The following IL31RA variants were observed in gnomAD, a reference collection of about 807,000 sequenced individuals.
IL31RA encodes interleukin 31 receptor A.
A neutral mutation model predicts 83.7 loss-of-function variants in IL31RA; 66 were observed. The ratio of observed to expected loss-of-function variants is 0.79; its 90% CI spans 0.65 to 0.97. The LOEUF (loss-of-function observed/expected upper bound fraction) is 0.97, where lower values mean the gene tolerates loss of function less well. Ranked by LOEUF, IL31RA falls within the 50% of genes least tolerant of loss-of-function variation. IL31RA has a pLI of 0.00. For synonymous variants in IL31RA, 325 were observed against 329.0 expected (o/e 0.99, Z 0.13); for missense variants, 798 against 919.4 (o/e 0.87, Z 1.71).
intron 7 of IL31RA, among the ~76,000 whole-genome samples, chr5:55,898,167 A>G (rs1368057567): frequency 6.6e-6 from 1 of 152,116 alleles, no homozygotes; most frequent in African/African-American, 2.4e-5. Flanking sequence ...TTTTTGGGGG[A>G]GGAAAGCCAA....
chr5:55,915,869 A>G (rs1749754393), intron 14 of IL31RA, among the ~76,000 whole-genome samples: 1 of 152,200 alleles, frequency 6.6e-6, no homozygotes, highest in Admixed American at 6.5e-5. Flanking sequence ...CACTCACTAC[A>G]TGCCAGGTGC....
chr5:55,916,692 A>G lies in IL31RA; in HGVS notation c.1867A>G (p.Arg623Gly). 6.2e-7 allele frequency: 1 copy of G among 1,614,230 alleles called. No homozygotes were observed. Reference sequence around the variant, plus strand: ...TGATGACTCTGTGAACACAGAAGACAGGATCTTAAAACCATGTTCCACCCC... The same window carrying G: ...TGATGACTCTGTGAACACAGAAGACGGGATCTTAAAACCATGTTCCACCCC... ...ESDDSVNTEDRILKPCSTPSD... is the reference protein window; with the variant it reads ...ESDDSVNTEDGILKPCSTPSD... Residue 623 changes from arginine (R) to glycine (G), a missense_variant, in exon 15 of 15, where the codon AGG becomes GGG. Coordinates refer to ENST00000652347, the MANE Select transcript of IL31RA (RefSeq NM_139017.7).
chr5:55,883,108 A>G lies in IL31RA; in HGVS notation c.519A>G (p.Gln173=). 3 of 1,614,074 alleles carry G rather than the reference A, an allele frequency of 1.9e-6. No individual in the cohort carries two copies. Among genetic ancestry groups the G allele is most frequent in the Non-Finnish European group, 2.5e-6 (3 of 1,179,924 alleles). The change falls in exon 5 of 15, where the codon CAA becomes CAG. Residue 173 remains glutamine (Q), a synonymous_variant. Transcript: ENST00000652347. The part of the protein sequence containing the change: ...KPVLGIKRMI[Q]IEWIKPELAP... ...TTTTGGGCATCAAACGAATGATTCA[A>G]ATTGAATGGATAAAGCCTGAGTTGG... is the stretch of plus-strand genomic sequence containing the variant.
At position 55,851,398 on chromosome 5, in the gene IL31RA, A is replaced by T. The variant is rs72761947; in HGVS notation, c.-173A>T. The T allele has an allele frequency of 3.2e-3, 3,580 of 1,112,890 alleles. 12 individuals are homozygous for T. The highest frequency in any genetic ancestry group is 4.0e-3 in the Non-Finnish European group (3,032 of 766,710). 68.9% of individuals were successfully genotyped at this position (1,112,890 alleles called of 1,614,324 possible). A position where few individuals can be genotyped will look rare whatever the true frequency, so the allele number is the denominator to read the frequency against. ...TAGGAACACCAGACAGCACTCCAGC[A>T]CTCTGCTTGGGGGGCATTCGAAACA... On this transcript the variant is annotated 5_prime_UTR_variant, in exon 1 of 15. Coordinates refer to ENST00000652347, the MANE Select transcript of IL31RA (RefSeq NM_139017.7).
intron 12 of IL31RA, among the ~76,000 whole-genome samples, chr5:55,911,430 A>G (rs1355937705): frequency 6.6e-6 from 1 of 152,202 alleles, no homozygotes; most frequent in Non-Finnish European, 1.5e-5. Flanking sequence ...CTTCAAGGGA[A>G]AACCTTGGTT....
the IL31RA span, among the ~76,000 whole-genome samples, chr5:55,843,739 C>T: frequency 6.6e-6 from 1 of 152,168 alleles, no homozygotes; most frequent in South Asian, 2.1e-4. Flanking sequence ...TCCCTGATAA[C>T]TTTTCTTGCT....
chr5:55,846,178 C>A, the IL31RA span, among the ~76,000 whole-genome samples: 11 of 152,192 alleles, frequency 7.2e-5, no homozygotes, highest in Non-Finnish European at 1.5e-4. Context: ...TGTCCTGTGA[C>A]CTCACTTCTC....
chr5:55,846,192 T>C, the IL31RA span, among the ~76,000 whole-genome samples: 4 of 152,206 alleles, frequency 2.6e-5, no homozygotes, highest in African/African-American at 9.7e-5. Context: ...ACTTCTCTGA[T>C]GGATCTAAGA....
intron 1 of IL31RA, among the ~76,000 whole-genome samples, chr5:55,857,105 T>G (rs1427485850): frequency 1.3e-5 from 2 of 151,490 alleles, no homozygotes; most frequent in African/African-American, 4.8e-5. Context: ...GCATTTTTTT[T>G]TTTTCTTTTT....
At chr5:55,901,940 G>C (rs1435006774) in intron 8 of IL31RA, among the ~76,000 whole-genome samples, 2 of 152,108 alleles carry the variant, frequency 1.3e-5, no homozygotes, top group Non-Finnish European at 2.9e-5. Context: ...TAAAATTTCT[G>C]ATTGATCAAA....
chr5:55,916,511 C>A lies in IL31RA; in HGVS notation c.1819-133C>A, dbSNP rs1580751168. On this transcript the variant is annotated intron_variant, in intron 14 of 14. Transcript: ENST00000652347. ...AGGGCATGCAGAGAGGGTTGGCTACCACTTCTGGGCCTGGGAGGAAGGTGG... is the reference window on the plus strand; with the variant it reads ...AGGGCATGCAGAGAGGGTTGGCTACAACTTCTGGGCCTGGGAGGAAGGTGG... 5.2e-6 allele frequency: 4 copies of A among 773,726 alleles called. No homozygotes were observed. The East Asian group carries it at 9.8e-5, about 19-fold the overall frequency. The allele number at this position is 773,726 out of a possible 1,614,324, so 47.9% of individuals were successfully genotyped here. A position where few individuals can be genotyped will look rare whatever the true frequency, so the allele number is the denominator to read the frequency against.
intron 1 of IL31RA, chr5:55,853,672 C>T (rs547099868): frequency 1.5e-5 from 17 of 1,164,358 alleles, no homozygotes; most frequent in Middle Eastern, 2.0e-4. Flanking sequence ...AGACCCACCA[C>T]GTGAATTTCT....
chr5:55,861,195 G>GGGC (rs1411259469), intron 2 of IL31RA, among the ~76,000 whole-genome samples: 1 of 152,192 alleles, frequency 6.6e-6, no homozygotes, highest in Non-Finnish European at 1.5e-5. Flanking sequence ...TCATGACCCA[G>GGGC]AGATAATGAG....
At chr5:55,847,244 AAAATAAATAAAT>A (rs371149253), upstream of IL31RA, among the ~76,000 whole-genome samples, 92 of 61,158 alleles carry the variant, frequency 1.5e-3, no homozygotes, top group African/African-American at 3.4e-3. Flanking sequence ...AAAAAAAATA[AAAATAAATAAAT>A]AAATAAATAA....
At chr5:55,840,714 A>G in the IL31RA span, among the ~76,000 whole-genome samples, 1 of 152,094 alleles carries the variant, frequency 6.6e-6, no homozygotes, top group Non-Finnish European at 1.5e-5. Flanking sequence ...GCTGGTGTAC[A>G]TCTGTCTATT....
At chr5:55,893,852 C>A (rs1748168770) in intron 6 of IL31RA, among the ~76,000 whole-genome samples, 1 of 148,002 alleles carries the variant, frequency 6.8e-6, no homozygotes, top group African/African-American at 2.5e-5. Context: ...CACTCTGTCA[C>A]CCAGACTGAA....
chr5:55,868,774 GTGTT>G lies in IL31RA; in HGVS notation c.155-15_155-12del, dbSNP rs1232865529. On this transcript the variant is annotated splice_polypyrimidine_tract_variant and intron_variant, in intron 2 of 14. Coordinates refer to ENST00000652347, the MANE Select transcript of IL31RA (RefSeq NM_139017.7). ...GAAATTTTTGTGTTTGTGTGTGTGTGTGTTTAATTTATTTAGCTCTGCCAGCTAA... is the reference window on the plus strand; with the variant it reads ...GAAATTTTTGTGTTTGTGTGTGTGTGTAATTTATTTAGCTCTGCCAGCTAA... The G allele has an allele frequency of 3.0e-6, 4 of 1,319,608 alleles. No individual in the cohort carries two copies. The highest frequency in any genetic ancestry group is 3.3e-6 in the Non-Finnish European group (3 of 911,792). 81.7% of individuals were successfully genotyped at this position (1,319,608 alleles called of 1,614,324 possible). A position where few individuals can be genotyped will look rare whatever the true frequency, so the allele number is the denominator to read the frequency against.
chr5:55,869,077 G>A (rs1033778710), intron 3 of IL31RA, among the ~76,000 whole-genome samples, 169 bp downstream of exon 3: 1 of 152,176 alleles, frequency 6.6e-6, no homozygotes, highest in Non-Finnish European at 1.5e-5. Context: ...AGCTGCAGAG[G>A]GAGGGGAGGC....
chr5:55,861,258 C>T (rs1418082023), intron 2 of IL31RA, among the ~76,000 whole-genome samples: 16 of 152,150 alleles, frequency 1.1e-4, no homozygotes, highest in Admixed American at 1.0e-3. Flanking sequence ...CTTGGGGTTA[C>T]ACCTGTGGCA....
Sources: allele counts gnomAD v4.1 joint callset (sites outside exome capture counted in the v4.1 genomes callset), GRCh38; gene constraint gnomAD v4.1.1; transcripts MANE v1.5; gene names NCBI Gene and HGNC (gene_info 2026-07-23, HGNC 2026-07-21).